Variants in CSMD1 observed in about 807,000 individuals in gnomAD.
CSMD1 encodes the protein CUB and Sushi multiple domains 1.
CSMD1 carries 213 observed loss-of-function variants against 417.5 expected under a neutral mutation model. That is an observed-to-expected ratio of 0.51 (90% CI 0.46 to 0.57). The LOEUF (loss-of-function observed/expected upper bound fraction) is 0.57. Ranked by LOEUF, CSMD1 falls within the 20% of genes least tolerant of loss-of-function variation. CSMD1 has a pLI of 0.00. For synonymous variants in CSMD1, 2,862 were observed against 1,736.8 expected, an observed-to-expected ratio of 1.65 and a Z score of -16.11; for missense variants, 6,923 against 4,529.7, an observed-to-expected ratio of 1.53 and a Z score of -15.17.
At chr8:4,028,621 CT>C (rs1481529044) in intron 4 of CSMD1, among the ~76,000 whole-genome samples, 1 of 152,108 alleles carries the variant, frequency 6.6e-6, no homozygotes. Context: ...AATTGGCATG[CT>C]TACAATCCTA....
At chr8:3,176,062 T>C (rs1391671102) in intron 37 of CSMD1, among the ~76,000 whole-genome samples, 1 of 152,192 alleles carries the variant, frequency 6.6e-6, no homozygotes, top group Non-Finnish European at 1.5e-5. Flanking sequence ...AATGTTTCAC[T>C]GTCTTGTTAG....
intron 2 of CSMD1, among the ~76,000 whole-genome samples, chr8:4,502,683 T>C (rs1802318270): frequency 1.3e-5 from 2 of 152,206 alleles, no homozygotes; most frequent in Non-Finnish European, 2.9e-5. Flanking sequence ...GAGTTTTCTT[T>C]TCTCTTTGAC....
chr8:4,040,347 A>T (rs1421460515), intron 3 of CSMD1, among the ~76,000 whole-genome samples: 1 of 152,248 alleles, frequency 6.6e-6, no homozygotes, highest in African/African-American at 2.4e-5. Flanking sequence ...AAGTACTATT[A>T]TTATGCCCAT....
intron 10 of CSMD1, among the ~76,000 whole-genome samples, chr8:3,544,631 G>A (rs1374071398): frequency 2.0e-5 from 3 of 152,118 alleles, no homozygotes; most frequent in African/African-American, 7.2e-5. Context: ...CCTGGGAACG[G>A]ACCGTCCAAT....
At chr8:3,003,378 A>G (rs970878048) in intron 52 of CSMD1, among the ~76,000 whole-genome samples, 1 of 152,068 alleles carries the variant, frequency 6.6e-6, no homozygotes, top group African/African-American at 2.4e-5. Flanking sequence ...TCATCTACAC[A>G]AAACCTAGAA....
intron 3 of CSMD1, 33 bp from the exon 4 acceptor site, chr8:4,032,132 A>C (rs370395424): frequency 6.5e-7 from 1 of 1,547,652 alleles, no homozygotes; most frequent in Non-Finnish European, 8.8e-7. Context: ...GAGAAAAAAC[A>C]AGTTAAATTT....
chr8:4,719,642 T>A (rs2116902281), intron 1 of CSMD1, among the ~76,000 whole-genome samples: 1 of 152,320 alleles, frequency 6.6e-6, no homozygotes, highest in Non-Finnish European at 1.5e-5. Context: ...CCTATTTTGT[T>A]CAAAAGCTAA....
chr8:4,406,455 A>C lies in CSMD1; in HGVS notation c.415+13498T>G, dbSNP rs752620321. On this transcript the variant is annotated intron_variant, in intron 3 of 69. Transcript: ENST00000635120. Reference sequence around the variant, plus strand: ...AGCCACAAATTTCAAATTTCTGATAAATCTACTCATCATCCTCTGGGCATT... The same window carrying C: ...AGCCACAAATTTCAAATTTCTGATACATCTACTCATCATCCTCTGGGCATT... Among the ~76,000 whole-genome samples the C allele has an allele frequency of 2.8e-4, 42 of 152,172 alleles. 1 individual carries two copies. The highest frequency in any genetic ancestry group is 2.1e-4 in the South Asian group (1 of 4,830).
intron 26 of CSMD1, among the ~76,000 whole-genome samples, chr8:3,260,371 C>T (rs371254902): frequency 1.3e-5 from 2 of 152,060 alleles, no homozygotes; most frequent in Non-Finnish European, 2.9e-5. Flanking sequence ...CGGGTGCCTC[C>T]GTGTTTCAGT....
At chr8:4,192,611 GT>G (rs1422600884) in intron 3 of CSMD1, among the ~76,000 whole-genome samples, 1 of 152,196 alleles carries the variant, frequency 6.6e-6, no homozygotes, top group Non-Finnish European at 1.5e-5. Flanking sequence ...ATGAGAACAG[GT>G]TGGGCCACAG....
intron 12 of CSMD1, among the ~76,000 whole-genome samples, chr8:3,453,144 C>G (rs879702737): frequency 3.3e-5 from 5 of 152,172 alleles, no homozygotes; most frequent in Non-Finnish European, 4.4e-5. Context: ...GTTTGTATTT[C>G]CATGGGATTG....
chr8:3,660,007 C>A (rs1278956957), intron 7 of CSMD1, among the ~76,000 whole-genome samples: 1 of 152,168 alleles, frequency 6.6e-6, no homozygotes, highest in East Asian at 1.9e-4. Context: ...CTGAACAATA[C>A]GTATCTAATC....
At chr8:4,224,690 T>A (rs1366036544) in intron 3 of CSMD1, among the ~76,000 whole-genome samples, 2 of 152,222 alleles carry the variant, frequency 1.3e-5, no homozygotes, top group East Asian at 3.8e-4. Context: ...TTCAGATGCA[T>A]GGAGATGAAT....
intron 1 of CSMD1, among the ~76,000 whole-genome samples, chr8:4,796,929 A>C (rs574748264): frequency 1.3e-5 from 2 of 152,200 alleles, no homozygotes; most frequent in African/African-American, 2.4e-5. Flanking sequence ...GTGTGGCTGC[A>C]TGGAGGGGGC....
intron 54 of CSMD1, among the ~76,000 whole-genome samples, chr8:2,981,618 T>G (rs1805431535): frequency 6.6e-6 from 1 of 152,100 alleles, no homozygotes; most frequent in Non-Finnish European, 1.5e-5. Context: ...ACTGATGTCT[T>G]ATATACATAC....
At chr8:3,813,441 G>C (rs796816028) in intron 5 of CSMD1, among the ~76,000 whole-genome samples, 6 of 152,192 alleles carry the variant, frequency 3.9e-5, no homozygotes, top group African/African-American at 9.6e-5. Flanking sequence ...TTTTAATTAA[G>C]TCTATAAGCA....
chr8:4,853,335 G>A (rs1429687471), intron 1 of CSMD1, among the ~76,000 whole-genome samples: 1 of 152,160 alleles, frequency 6.6e-6, no homozygotes, highest in African/African-American at 2.4e-5. Context: ...AATGCAAGGT[G>A]GCTGTTCCCT....
chr8:3,835,441 C>A (rs1056438013), intron 5 of CSMD1, among the ~76,000 whole-genome samples: 13 of 151,936 alleles, frequency 8.6e-5, no homozygotes, highest in African/African-American at 3.1e-4. Context: ...AAGTGGAAAC[C>A]ATCATTCTCA....
intron 2 of CSMD1, among the ~76,000 whole-genome samples, chr8:4,471,855 T>C (rs371911938): frequency 2.6e-5 from 4 of 152,274 alleles, no homozygotes; most frequent in African/African-American, 9.6e-5. Flanking sequence ...GTGTTTTCAA[T>C]GATTAGGCTA....
Sources: allele counts gnomAD v4.1 joint callset (sites outside exome capture counted in the v4.1 genomes callset), GRCh38; gene constraint gnomAD v4.1.1; transcripts MANE v1.5; gene names NCBI Gene and HGNC (gene_info 2026-07-23, HGNC 2026-07-21).